GRWD1: variants seen among roughly 807,000 people sequenced by gnomAD.
The protein encoded by GRWD1 is glutamate-rich WD repeat-containing protein 1.
In GRWD1, 29 loss-of-function variants were observed where a neutral mutation model predicts 45.3. The ratio of observed to expected loss-of-function variants is 0.64; its 90% CI spans 0.48 to 0.87. The LOEUF is 0.87. Ranked by LOEUF, GRWD1 falls within the 40% of genes least tolerant of loss-of-function variation. The pLI is 0.00. For synonymous variants in GRWD1, 262 were observed against 257.6 expected, an observed-to-expected ratio of 1.02 and a Z score of -0.16; for missense variants, 592 against 618.8, an observed-to-expected ratio of 0.96 and a Z score of 0.46.
At position 48,449,952 on chromosome 19, in the gene GRWD1, C is replaced by T. The variant is rs142573925; in HGVS notation, c.469-361C>T. On this transcript the variant is annotated intron_variant, in intron 3 of 6. Coordinates refer to ENST00000253237, the MANE Select transcript of GRWD1 (RefSeq NM_031485.4). ...GAACAAACACAGAGGCAAGGAGATC[C>T]GAGGACTGAGTCTTGTGGCCTTCTA... Among the ~76,000 whole-genome samples, 504 of 152,150 alleles carry T rather than the reference C, an allele frequency of 3.3e-3. 2 individuals are homozygous for T. The highest frequency in any genetic ancestry group is 0.012 in the African/African-American group (486 of 41,518).
At chr19:48,449,062 C>T (rs944676521) in intron 3 of GRWD1, among the ~76,000 whole-genome samples, 2 of 151,716 alleles carry the variant, frequency 1.3e-5, no homozygotes, top group Non-Finnish European at 2.9e-5. Context: ...AGTGTGACAG[C>T]AATAGACATC....
chr19:48,446,747 AG>A lies in GRWD1; in HGVS notation c.373del (p.Glu125LysfsTer80), dbSNP rs1971408164. On this transcript the variant is annotated frameshift_variant, in exon 3 of 7. Transcript: ENST00000253237. LOFTEE classifies it high-confidence loss of function. ...CCCCACCCTCAGAGGGCAGTGATGA[AG>A]AAGAAGAGGAGGAAGATGAAGAGGA... ...KPPPSEGSDEEEEEEDEEDEE... is the reference protein window; with the variant it reads ...KPPPSEGSDEXEEEEDEEDEE... 1 of 1,477,150 alleles carries A rather than the reference AG, an allele frequency of 6.8e-7. No homozygotes were observed. Among genetic ancestry groups the A allele is most frequent in the Non-Finnish European group, 9.2e-7 (1 of 1,089,304 alleles). 91.5% of individuals were successfully genotyped at this position (1,477,150 alleles called of 1,614,324 possible). A position where few individuals can be genotyped will look rare whatever the true frequency, so the allele number is the denominator to read the frequency against.
At chr19:48,447,240 A>G (rs1193622739) in intron 3 of GRWD1, among the ~76,000 whole-genome samples, 2 of 148,886 alleles carry the variant, frequency 1.3e-5, no homozygotes, top group Non-Finnish European at 3.0e-5. Flanking sequence ...GGCCCTTCTA[A>G]TTTTTTGTTT....
At chr19:48,449,275 G>A (rs1279555050) in intron 3 of GRWD1, among the ~76,000 whole-genome samples, 4 of 152,104 alleles carry the variant, frequency 2.6e-5, no homozygotes, top group Non-Finnish European at 2.9e-5. Context: ...TGCATTTTTA[G>A]TAGAGGCGGG....
chr19:48,450,983 T>C lies in GRWD1; in HGVS notation c.826-51T>C. 6.3e-7 allele frequency: 1 copy of C among 1,576,404 alleles called. No individual in the cohort carries two copies. Among genetic ancestry groups the C allele is most frequent in the Non-Finnish European group, 8.7e-7 (1 of 1,155,302 alleles). On this transcript the variant is annotated intron_variant, in intron 5 of 6. Coordinates refer to ENST00000253237, the MANE Select transcript of GRWD1 (RefSeq NM_031485.4). This position sits in a 1 kb window ranked among gnomAD's most constrained non-coding sequence, Gnocchi z 5.1. ...AGTAGCCCACCGCTGGCGCTTGGGC[T>C]TCACTGCGGGCTGGGGGGCATTGGG...
Position 48,446,936 on chromosome 19 carries a change from T to TA in GRWD1, c.468+93_468+94insA. 7.2e-5 allele frequency: 39 copies of TA among 545,220 alleles called. 1 individual carries two copies. The highest frequency in any genetic ancestry group is 9.1e-5 in the Non-Finnish European group (36 of 393,954). The allele number at this position is 545,220 out of a possible 1,614,324, so 33.8% of individuals were successfully genotyped here. A position where few individuals can be genotyped will look rare whatever the true frequency, so the allele number is the denominator to read the frequency against. On this transcript the variant is annotated intron_variant, in intron 3 of 6. Transcript: ENST00000253237. ...AACTCCCAACACCTCCTCATGTTCT[T>TA]TTTTTTTTTTTTTTTTTTGAGACGT... is the stretch of plus-strand genomic sequence containing the variant.
chr19:48,452,728 C>A lies in GRWD1; in HGVS notation c.1044C>A (p.Thr348=). ...TCTAGTCTGGTTCCCCAGTGGCCACCTTCAAGCAGCACGTGGCCCCCGTGA... is the reference window on the plus strand; with the variant it reads ...TCTAGTCTGGTTCCCCAGTGGCCACATTCAAGCAGCACGTGGCCCCCGTGA... ...RQFKSGSPVA[T]FKQHVAPVTS... Residue 348 remains threonine, a synonymous_variant, in exon 7 of 7, where the codon ACC becomes ACA. Transcript: ENST00000253237. The surrounding 1 kb of genome is among the most constrained non-coding windows in gnomAD (Gnocchi z 5.1). 1 of 1,580,054 alleles carries A rather than the reference C, an allele frequency of 6.3e-7. No homozygotes were observed. The highest frequency in any genetic ancestry group is 8.6e-7 in the Non-Finnish European group (1 of 1,157,488).
At position 48,450,644 on chromosome 19, in the gene GRWD1, AT is replaced by A. The variant is rs1410428144; in HGVS notation, c.683-19del. The A allele has an allele frequency of 2.5e-6, 4 of 1,612,128 alleles. No homozygotes were observed. The highest frequency in any genetic ancestry group is 1.3e-5 in the African/African-American group (1 of 74,984). ...AGCTGCGGCCAGGTGGGGCGAGGTC[AT>A]TTCCTGACTCCCTTCCCCAGGTCGC... On this transcript the variant is annotated intron_variant, in intron 4 of 6. Coordinates refer to ENST00000253237, the MANE Select transcript of GRWD1 (RefSeq NM_031485.4). This position sits in a 1 kb window ranked among gnomAD's most constrained non-coding sequence, Gnocchi z 5.1.
Position 48,450,858 on chromosome 19 carries a change from A to C in GRWD1, c.825+50A>C. 1 of 1,560,864 alleles carries C rather than the reference A, an allele frequency of 6.4e-7. No individual in the cohort carries two copies. Among genetic ancestry groups the C allele is most frequent in the Non-Finnish European group, 8.8e-7 (1 of 1,142,586 alleles). ...GTTTAGTTCTGATGGATTCTAGGCC[A>C]GGGACCTAGAATCCTAGGTCTGAGG... On this transcript the variant is annotated intron_variant, in intron 5 of 6. Coordinates refer to ENST00000253237, the MANE Select transcript of GRWD1 (RefSeq NM_031485.4). This position sits in a 1 kb window ranked among gnomAD's most constrained non-coding sequence, Gnocchi z 5.1.
At chr19:48,447,536 T>C (rs551893798) in intron 3 of GRWD1, among the ~76,000 whole-genome samples, 1 of 152,198 alleles carries the variant, frequency 6.6e-6, no homozygotes, top group East Asian at 1.9e-4. Flanking sequence ...CCACCGCATC[T>C]GGCCAATTTT....
chr19:48,450,462 C>T lies in GRWD1; in HGVS notation c.618C>T (p.Pro206=), dbSNP rs1472876967. ...FLRDEQAQMK[P]IFSFAGHMGE... ...GGGATGAGCAGGCCCAAATGAAGCC[C>T]ATCTTCTCCTTCGCTGGACACATGG... The change falls in exon 4 of 7, where the codon CCC becomes CCT. Residue 206 remains proline (P), a synonymous_variant. Transcript: ENST00000253237. This position sits in a 1 kb window ranked among gnomAD's most constrained non-coding sequence, Gnocchi z 5.1. 4 of 1,614,154 alleles carry T rather than the reference C, an allele frequency of 2.5e-6. No homozygotes were observed. In the South Asian group the frequency reaches 3.3e-5, roughly 13 times the overall value.
rs1971493215 is a variant in GRWD1 at position 48,452,967 on chromosome 19, G to C, written c.1283G>C (p.Gly428Ala). 6.2e-7 allele frequency: 1 copy of C among 1,610,910 alleles called. No homozygotes were observed. The highest frequency in any genetic ancestry group is 1.3e-5 in the African/African-American group (1 of 74,908). The change falls in exon 7 of 7, where the codon GGG (glycine) becomes GCG (alanine). Residue 428 changes from glycine (G) to alanine (A), a missense_variant. Physicochemically the swap from Gly to Ala is moderately conservative, Grantham distance 60. Transcript: ENST00000253237. This position sits in a 1 kb window ranked among gnomAD's most constrained non-coding sequence, Gnocchi z 5.1. ...KELHWHPQCP[G>A]LLVSTALSGF... ...CTGCACTGGCACCCGCAGTGCCCAG[G>C]GCTCCTGGTCAGCACGGCGCTGTCA...
Position 48,450,558 on chromosome 19 carries a change from A to G in GRWD1, c.682+32A>G, listed in dbSNP as rs1971460785. The G allele has an allele frequency of 4.3e-6, 7 of 1,611,926 alleles. No homozygotes were observed. In the East Asian group the frequency reaches 1.6e-4, roughly 36 times the overall value. On this transcript the variant is annotated intron_variant, in intron 4 of 6. Coordinates refer to ENST00000253237, the MANE Select transcript of GRWD1 (RefSeq NM_031485.4). This position sits in a 1 kb window ranked among gnomAD's most constrained non-coding sequence, Gnocchi z 5.1. ...CCCTGGGGTGTTCAGGAGTCCCGGG[A>G]GGTCGGGGGAGCAGGGTCTGCAACA...
intron 1 of GRWD1, 80 bp downstream of exon 1, chr19:48,446,272 G>C: frequency 1.3e-6 from 2 of 1,564,796 alleles, no homozygotes; most frequent in Non-Finnish European, 1.8e-6. Flanking sequence ...GGAAGAGAAG[G>C]CTGGGGTCTA....
In GRWD1 at chr19:48,446,729, C is replaced by A; in HGVS notation, c.354C>A (p.Pro118=). The change falls in exon 3 of 7, where the codon CCC becomes CCA. Residue 118 remains proline, a synonymous_variant. Coordinates refer to ENST00000253237, the MANE Select transcript of GRWD1 (RefSeq NM_031485.4). ...MHNLHGTKPP[P]SEGSDEEEEE... Reference sequence around the variant, plus strand: ...ATCTGCATGGGACAAAGCCCCCACCCTCAGAGGGCAGTGATGAAGAAGAAG... The same window carrying A: ...ATCTGCATGGGACAAAGCCCCCACCATCAGAGGGCAGTGATGAAGAAGAAG... 6.2e-7 allele frequency: 1 copy of A among 1,612,918 alleles called. No individual in the cohort carries two copies. The highest frequency in any genetic ancestry group is 1.3e-5 in the African/African-American group (1 of 74,994).
chr19:48,449,953 G>A (rs1006024419), intron 3 of GRWD1, among the ~76,000 whole-genome samples: 1 of 152,046 alleles, frequency 6.6e-6, no homozygotes, highest in Non-Finnish European at 1.5e-5. Flanking sequence ...AAGGAGATCC[G>A]AGGACTGAGT....
Position 48,455,681 on chromosome 19 carries a change from A to T in GRWD1, c.*2656A>T, listed in dbSNP as rs1273388746. On this transcript the variant is annotated 3_prime_UTR_variant, in exon 7 of 7. Coordinates refer to ENST00000253237, the MANE Select transcript of GRWD1 (RefSeq NM_031485.4). ...ACAACGGGTCTGCCTCACGGGGCTG[A>T]GGTGGGACTGGAGGATTTCGAGGGC... The T allele has an allele frequency of 1.3e-5, 2 of 152,202 alleles. No homozygotes were observed. The highest frequency in any genetic ancestry group is 2.9e-5 in the Non-Finnish European group (2 of 68,114). 9.4% of individuals were successfully genotyped at this position (152,202 alleles called of 1,614,324 possible).
chr19:48,446,041 A>T lies in GRWD1; in HGVS notation c.36A>T (p.Glu12Asp), dbSNP rs771325293. The T allele has an allele frequency of 3.8e-6, 6 of 1,596,910 alleles. No individual in the cohort carries two copies. Among genetic ancestry groups the T allele is most frequent in the Non-Finnish European group, 5.1e-6 (6 of 1,173,152 alleles). Residue 12 changes from glutamate to aspartate, a missense_variant, in exon 1 of 7, where the codon GAA becomes GAT. Physicochemically the swap from Glu to Asp is conservative, Grantham distance 45 (BLOSUM62 2). Transcript: ENST00000253237. ...GCAAGGGTCGGCGGCGCACGTGTGA[A>T]ACCGGGGAACCCATGGAAGCCGAGT... ...AARKGRRRTC[E>D]TGEPMEAESG... is the part of the protein sequence containing the mutation.
chr19:48,451,645 G>A (rs1971477059), intron 6 of GRWD1, among the ~76,000 whole-genome samples: 2 of 152,198 alleles, frequency 1.3e-5, no homozygotes, highest in South Asian at 4.1e-4. Flanking sequence ...GACAGGAGCC[G>A]CTGTGACATG....
Sources: gnomAD v4.1 joint callset for allele counts (sites outside exome capture counted in the v4.1 genomes callset) on GRCh38, gnomAD v4.1.1 for gene constraint, Gnocchi (gnomAD v3.1) non-coding constraint, MANE v1.5 for transcripts, NCBI Gene and HGNC (gene_info 2026-07-23, HGNC 2026-07-21) for gene names.